The following MYLK3 variants were observed in gnomAD, a reference collection of about 807,000 sequenced individuals.
The protein encoded by MYLK3 is MLC kinase.
MYLK3 carries 55 observed loss-of-function variants against 76.3 expected under a neutral mutation model. The ratio of observed to expected loss-of-function variants is 0.72; its 90% CI spans 0.58 to 0.90. The LOEUF (loss-of-function observed/expected upper bound fraction) is 0.90, where lower values mean the gene tolerates loss of function less well. Ranked by LOEUF, MYLK3 falls within the 40% of genes least tolerant of loss-of-function variation. The pLI is 0.00. For synonymous variants in MYLK3, 416 were observed against 425.4 expected, an observed-to-expected ratio of 0.98 and a Z score of 0.27; for missense variants, 973 against 1,053.6, an observed-to-expected ratio of 0.92 and a Z score of 1.06.
chr16:46,731,051 C>T (rs574001082), intron 4 of MYLK3, among the ~76,000 whole-genome samples: 4 of 152,312 alleles, frequency 2.6e-5, no homozygotes, highest in South Asian at 2.1e-4. Flanking sequence ...CAGTTAGTGA[C>T]GCCACTATTT....
chr16:46,710,950 T>C, intron 10 of MYLK3, 161 bp from the exon 11 acceptor site: 1 of 784,186 alleles, frequency 1.3e-6, no homozygotes, highest in Non-Finnish European at 2.1e-6. Flanking sequence ...GAGTCCAGTG[T>C]GTTCATTAAA....
At chr16:46,740,713 G>A (rs527471219) in intron 1 of MYLK3, among the ~76,000 whole-genome samples, 7 of 151,654 alleles carry the variant, frequency 4.6e-5, no homozygotes, top group East Asian at 1.9e-4. Context: ...CAACATGCCC[G>A]GCTAATTTTT....
At chr16:46,736,764 G>A (rs1966870076) in intron 3 of MYLK3, among the ~76,000 whole-genome samples, 1 of 152,156 alleles carries the variant, frequency 6.6e-6, no homozygotes, top group Admixed American at 6.5e-5. Flanking sequence ...GACAGGTCAG[G>A]GCCACCCTAG....
At chr16:46,742,458 A>ACACACACACACT in intron 1 of MYLK3, among the ~76,000 whole-genome samples, 1 of 101,454 alleles carries the variant, frequency 9.9e-6, no homozygotes, top group South Asian at 2.3e-4. Flanking sequence ...ACACACACAC[A>ACACACACACACT]CACACACACA....
At chr16:46,709,766 A>G in intron 11 of MYLK3, 95 bp from the exon 12 acceptor site, 1 of 1,354,650 alleles carries the variant, frequency 7.4e-7, no homozygotes, top group Non-Finnish European at 1.0e-6. Flanking sequence ...AGTCAGTGGA[A>G]CAGATTAATC....
chr16:46,719,746 C>T (rs1966780861), intron 9 of MYLK3, among the ~76,000 whole-genome samples: 1 of 152,150 alleles, frequency 6.6e-6, no homozygotes, highest in Non-Finnish European at 1.5e-5. Flanking sequence ...CAGGAAATGA[C>T]CAGTTTAAAT....
At chr16:46,707,881 A>G in intron 12 of MYLK3, 118 bp from the exon 13 acceptor site, 1 of 602,928 alleles carries the variant, frequency 1.7e-6, no homozygotes. Flanking sequence ...TTTAAATCTG[A>G]TACCTAAAGG....
rs1567279908 is a variant in MYLK3, at chr16:46,709,702, AG to A, written c.2268-32del. On this transcript the variant is annotated intron_variant, in intron 11 of 12. Coordinates refer to ENST00000394809, the MANE Select transcript of MYLK3 (RefSeq NM_182493.3). ...AAATCAAAGAGCAGTTAAGACTTTT[AG>A]TTGGAGTTGCCTTTTCTCATCCAAA... 3.1e-6 allele frequency: 5 copies of A among 1,603,682 alleles called. No homozygotes were observed. In the South Asian group the frequency reaches 5.6e-5, roughly 18 times the overall value.
chr16:46,710,743 T>C lies in MYLK3; in HGVS notation c.2161A>G (p.Met721Val), dbSNP rs1256999916. 2 of 1,614,142 alleles carry C rather than the reference T, an allele frequency of 1.2e-6. No homozygotes were observed. The highest frequency in any genetic ancestry group is 1.7e-6 in the Non-Finnish European group (2 of 1,180,032). ...CAGCTACAGTTTACAATGAAATTCA[T>C]GGTCTCTGCATCTGTTTCCCCTAGA... is the stretch of plus-strand genomic sequence containing the variant. ...PFLGETDAET[M>V]NFIVNCSWDF... The change falls in exon 11 of 13, where the codon ATG becomes GTG. Residue 721 changes from methionine to valine, a missense_variant. Physicochemically the swap from Met to Val is conservative, Grantham distance 21 (BLOSUM62 1). Around this residue, in one of 2 missense-constraint regions of MYLK3, gnomAD observed 332 missense variants for 416.6 expected, o/e 0.80. Transcript: ENST00000394809.
chr16:46,743,991 A>G (rs1228955604), intron 1 of MYLK3, among the ~76,000 whole-genome samples: 3 of 152,214 alleles, frequency 2.0e-5, no homozygotes, highest in Non-Finnish European at 4.4e-5. Flanking sequence ...AGACATATAA[A>G]TAATTGTCTT....
chr16:46,728,904 G>T, intron 7 of MYLK3, 120 bp downstream of exon 7: 1 of 715,446 alleles, frequency 1.4e-6, no homozygotes, highest in Non-Finnish European at 2.4e-6. Flanking sequence ...AGGATGACAC[G>T]ACCCTGGACG....
chr16:46,714,555 C>T (rs1966717922), intron 9 of MYLK3, among the ~76,000 whole-genome samples: 1 of 152,176 alleles, frequency 6.6e-6, no homozygotes, highest in South Asian at 2.1e-4. Flanking sequence ...GATCAGGAGC[C>T]GAACTCCAAC....
Position 46,748,032 on chromosome 16 carries a change from G to A in MYLK3, c.162C>T (p.Cys54=). The A allele has an allele frequency of 6.2e-7, 1 of 1,614,058 alleles. No individual in the cohort carries two copies. The highest frequency in any genetic ancestry group is 8.5e-7 in the Non-Finnish European group (1 of 1,180,046). Residue 54 remains cysteine (C), a synonymous_variant, in exon 1 of 13, where the codon TGC becomes TGT. Coordinates refer to ENST00000394809, the MANE Select transcript of MYLK3 (RefSeq NM_182493.3). This position sits in a 1 kb window ranked among gnomAD's most constrained non-coding sequence, Gnocchi z 4.3. ...CCCGCTCCAGGTGGCCCATGTCTCGGCACATGCTCTGCAACTTCTCTGTGA... is the reference window on the plus strand; with the variant it reads ...CCCGCTCCAGGTGGCCCATGTCTCGACACATGCTCTGCAACTTCTCTGTGA... ...EDVTEKLQSM[C]RDMGHLERGL... is the part of the protein sequence containing the mutation.
At chr16:46,748,429 G>C, upstream of MYLK3, 1 of 679,060 alleles carries the variant, frequency 1.5e-6, no homozygotes. This position sits in a 1 kb window ranked among gnomAD's most constrained non-coding sequence, Gnocchi z 4.3. Context: ...ACAGGCCGAG[G>C]TCAGCCCAGG....
intron 9 of MYLK3, among the ~76,000 whole-genome samples, chr16:46,717,745 C>A (rs2143013313): frequency 6.6e-6 from 1 of 152,282 alleles, no homozygotes; most frequent in East Asian, 1.9e-4. Flanking sequence ...AAATCAAACC[C>A]ATCCCCTCTC....
chr16:46,745,644 G>A (rs1328729653), intron 1 of MYLK3, among the ~76,000 whole-genome samples: 2 of 152,180 alleles, frequency 1.3e-5, no homozygotes, highest in Admixed American at 1.3e-4. Flanking sequence ...TATTCAGGAG[G>A]CTGAGACAGG....
intron 4 of MYLK3, among the ~76,000 whole-genome samples, chr16:46,731,363 G>T (rs537928426): frequency 6.0e-4 from 91 of 152,312 alleles, no homozygotes; most frequent in Non-Finnish European, 1.2e-3. Context: ...TTTTAATCTT[G>T]TCCTTCAGAG....
At chr16:46,741,424 G>A (rs1966928646) in intron 1 of MYLK3, among the ~76,000 whole-genome samples, 1 of 152,236 alleles carries the variant, frequency 6.6e-6, no homozygotes, top group Non-Finnish European at 1.5e-5. Flanking sequence ...AGAGCCATCA[G>A]TATGCTTAGT....
intron 3 of MYLK3, 128 bp downstream of exon 3, chr16:46,737,583 C>G: frequency 2.2e-6 from 2 of 896,902 alleles, no homozygotes; most frequent in Non-Finnish European, 3.3e-6. Context: ...GGGCCCAGGC[C>G]TCCTCCCCAT....
Sources: allele counts gnomAD v4.1 joint callset (sites outside exome capture counted in the v4.1 genomes callset), GRCh38; gene constraint gnomAD v4.1.1; regional missense constraint gnomAD v4.1.1; non-coding constraint Gnocchi (gnomAD v3.1); transcripts MANE v1.5; gene names NCBI Gene and HGNC (gene_info 2026-07-23, HGNC 2026-07-21).